Variants in LRRC74A observed in about 807,000 individuals in gnomAD.
The protein encoded by LRRC74A is leucine rich repeat containing 74A.
In LRRC74A, 44 loss-of-function variants were observed where a neutral mutation model predicts 57.9. The observed-to-expected ratio is 0.76, with a 90% CI of 0.60 to 0.98. The LOEUF (loss-of-function observed/expected upper bound fraction) is 0.98. LRRC74A is among the 50% of genes least tolerant of loss of function. LRRC74A has a pLI of 0.00. For missense variants in LRRC74A, 572 were observed against 574.0 expected (o/e 1.00, Z 0.04); for synonymous variants, 211 against 219.4 (o/e 0.96, Z 0.34).
At chr14:76,836,407 G>C in intron 4 of LRRC74A, 93 bp downstream of exon 4, 2 of 887,304 alleles carry the variant, frequency 2.3e-6, no homozygotes, top group Non-Finnish European at 3.5e-6. Context: ...GACCCAGGCT[G>C]CCTCCAGGCT....
rs542802181 is a variant in LRRC74A, at chr14:76,838,928, T to G, written c.544+957T>G. On this transcript the variant is annotated intron_variant, in intron 5 of 13. Coordinates refer to ENST00000689127, the MANE Select transcript of LRRC74A (RefSeq NM_001385106.1). ...AGTTCGTGTATTTTTAACATAAATG[T>G]TTTTACATGTCAGTTATTGTTCTCC... is the stretch of plus-strand genomic sequence containing the variant. Among the ~76,000 whole-genome samples the G allele has an allele frequency of 1.1e-3, 169 of 152,304 alleles. 1 individual carries two copies. Among genetic ancestry groups the G allele is most frequent in the Non-Finnish European group, 7.1e-4 (48 of 68,024 alleles).
At chr14:76,835,221 G>A (rs569153361) in intron 3 of LRRC74A, among the ~76,000 whole-genome samples, 10 of 152,146 alleles carry the variant, frequency 6.6e-5, no homozygotes, top group African/African-American at 1.9e-4. Context: ...AGTGGCTCAC[G>A]CCTGTAATCT....
chr14:76,850,492 G>A (rs935443932), intron 7 of LRRC74A, among the ~76,000 whole-genome samples: 3 of 152,090 alleles, frequency 2.0e-5, no homozygotes, highest in East Asian at 3.9e-4. Context: ...ATTATATAAG[G>A]TGTTGTGCAC....
chr14:76,866,775 A>C (rs1485214355), intron 12 of LRRC74A, among the ~76,000 whole-genome samples: 2 of 151,656 alleles, frequency 1.3e-5, no homozygotes, highest in African/African-American at 2.4e-5. Context: ...TATTGCCCCC[A>C]AAAAGGGGAG....
At chr14:76,844,218 G>T (rs1485489064) in intron 5 of LRRC74A, among the ~76,000 whole-genome samples, 1 of 152,182 alleles carries the variant, frequency 6.6e-6, no homozygotes, top group Non-Finnish European at 1.5e-5. Flanking sequence ...GCCCAGGCTG[G>T]TCTCAAACTC....
intron 8 of LRRC74A, among the ~76,000 whole-genome samples, 168 bp downstream of exon 8, chr14:76,852,618 AC>A (rs1467052711): frequency 1.3e-4 from 13 of 97,054 alleles, no homozygotes; most frequent in Non-Finnish European, 2.5e-4. Context: ...TCCTGGATGC[AC>A]TTTTTTTTTT....
chr14:76,867,439 G>A lies in LRRC74A; in HGVS notation c.1391+1G>A, dbSNP rs202168644. 361 of 1,562,134 alleles carry A rather than the reference G, an allele frequency of 2.3e-4. 1 individual carries two copies. The highest frequency in any genetic ancestry group is 4.1e-4 in the South Asian group (37 of 89,910). On this transcript the variant is annotated splice_donor_variant, in intron 13 of 13. Coordinates refer to ENST00000689127, the MANE Select transcript of LRRC74A (RefSeq NM_001385106.1). LOFTEE classifies it high-confidence loss of function. ...AGAAGACAGGCATGGTGAACTTCAG[G>A]TCAGCCCAGGCCCCGCGACGATCCC...
intron 9 of LRRC74A, among the ~76,000 whole-genome samples, chr14:76,857,120 A>AGATG (rs10691315): frequency 0.032 from 4,683 of 147,576 alleles, 246 homozygotes; most frequent in African/African-American, 0.11. Context: ...GTAGGTGGAT[A>AGATG]GATGGATGGA....
intron 11 of LRRC74A, among the ~76,000 whole-genome samples, chr14:76,862,794 A>G (rs1012123582): frequency 5.3e-5 from 8 of 152,164 alleles, no homozygotes; most frequent in Non-Finnish European, 8.8e-5. Flanking sequence ...TTCAGGGGAC[A>G]CTAACACATG....
intron 10 of LRRC74A, among the ~76,000 whole-genome samples, chr14:76,860,407 T>C (rs1485059220): frequency 6.6e-6 from 1 of 152,206 alleles, no homozygotes; most frequent in Non-Finnish European, 1.5e-5. Context: ...CTGTAAATCA[T>C]CTGTCAGATG....
At chr14:76,853,859 C>G (rs1897695558) in intron 9 of LRRC74A, among the ~76,000 whole-genome samples, 1 of 152,110 alleles carries the variant, frequency 6.6e-6, no homozygotes, top group Non-Finnish European at 1.5e-5. Context: ...TTCAAACCAT[C>G]CTCCCACCTC....
chr14:76,842,655 G>A (rs1382137459), intron 5 of LRRC74A, among the ~76,000 whole-genome samples: 2 of 136,394 alleles, frequency 1.5e-5, no homozygotes, highest in African/African-American at 5.9e-5. Context: ...GTGTTCCAGT[G>A]AATGCATTCA....
chr14:76,866,743 T>G (rs1247401811), intron 12 of LRRC74A, among the ~76,000 whole-genome samples: 1 of 151,820 alleles, frequency 6.6e-6, no homozygotes, highest in East Asian at 2.0e-4. Flanking sequence ...TCGCTCCACC[T>G]GACTCTGATC....
chr14:76,840,243 G>T lies in LRRC74A; in HGVS notation c.544+2272G>T, dbSNP rs59867437. ...GGGAAAATTGCTTGAGCCCAGGACT[G>T]GCCCCCCTGGGCAACATAGCAAGAC... On this transcript the variant is annotated intron_variant, in intron 5 of 13. Transcript: ENST00000689127. Among the ~76,000 whole-genome samples, 454 of 152,082 alleles carry T rather than the reference G, an allele frequency of 3.0e-3. 12 individuals carry two copies. In the East Asian group the frequency reaches 0.063, roughly 21 times the overall value.
intron 5 of LRRC74A, among the ~76,000 whole-genome samples, chr14:76,841,239 G>A (rs2140275120): frequency 6.6e-6 from 1 of 151,906 alleles, no homozygotes; most frequent in East Asian, 2.0e-4. Context: ...ACAGAGTTTT[G>A]CCATGTTGGC....
intron 3 of LRRC74A, 62 bp downstream of exon 3, chr14:76,831,437 G>A (rs1007852103): frequency 7.6e-6 from 12 of 1,575,888 alleles, no homozygotes; most frequent in Non-Finnish European, 1.0e-5. Context: ...AGAGTGGTAG[G>A]CCCAAGATTC....
rs749806640 is a variant in LRRC74A at position 76,836,322 on chromosome 14, GCC to G, written c.447+13_447+14del. 29 of 1,576,898 alleles carry G rather than the reference GCC, an allele frequency of 1.8e-5. No homozygotes were observed. The highest frequency in any genetic ancestry group is 2.2e-5 in the Non-Finnish European group (25 of 1,149,266). On this transcript the variant is annotated intron_variant, in intron 4 of 13. Transcript: ENST00000689127. ...TACTACCTCCAGGAGATGGTACTGT[GCC>G]CCCCTGTGCTGGCTCTTACCATCAT...
chr14:76,855,695 T>C (rs1216732549), intron 9 of LRRC74A, among the ~76,000 whole-genome samples: 1 of 152,076 alleles, frequency 6.6e-6, no homozygotes, highest in African/African-American at 2.4e-5. Flanking sequence ...CTCCACGAGG[T>C]CCAGGCCCTA....
intron 11 of LRRC74A, among the ~76,000 whole-genome samples, chr14:76,861,818 G>A (rs1336346865): frequency 6.6e-6 from 1 of 152,236 alleles, no homozygotes; most frequent in Non-Finnish European, 1.5e-5. Flanking sequence ...TACCTGGGGA[G>A]CAGGCGTGGG....
Sources: allele counts gnomAD v4.1 joint callset (sites outside exome capture counted in the v4.1 genomes callset), GRCh38; gene constraint gnomAD v4.1.1; transcripts MANE v1.5; gene names NCBI Gene and HGNC (gene_info 2026-07-23, HGNC 2026-07-21).